The following PDE4D variants were observed in gnomAD, a reference collection of about 807,000 sequenced individuals.
The protein encoded by PDE4D is phosphodiesterase 4D.
Under a neutral mutation model 87.4 loss-of-function variants are expected in PDE4D, and 24 were observed. That is an observed-to-expected ratio of 0.27 (90% CI 0.20 to 0.39). The LOEUF (loss-of-function observed/expected upper bound fraction) is 0.39. Ranked by LOEUF, PDE4D falls within the 10% of genes least tolerant of loss-of-function variation. PDE4D has a pLI of 1.00. For missense variants in PDE4D, 714 were observed against 1,041.0 expected, an observed-to-expected ratio of 0.69 and a Z score of 4.32; for synonymous variants, 384 against 383.2, an observed-to-expected ratio of 1.00 and a Z score of -0.02.
chr5:60,425,463 G>T (rs971368410), intron 1 of PDE4D, among the ~76,000 whole-genome samples: 1 of 152,134 alleles, frequency 6.6e-6, no homozygotes, highest in African/African-American at 2.4e-5. Flanking sequence ...ATGGTGCTGG[G>T]AAAACTGGCT....
Position 59,525,830 on chromosome 5 carries a change from C to T in PDE4D, c.456-309862G>A, listed in dbSNP as rs147467391. On this transcript the variant is annotated intron_variant, in intron 1 of 14. Transcript: ENST00000340635. ...AGGGGCTTTTTCCCCCTTTCCTCTGCACTTCCCTCCCCTGCCGCCATGTGA... is the reference window on the plus strand; with the variant it reads ...AGGGGCTTTTTCCCCCTTTCCTCTGTACTTCCCTCCCCTGCCGCCATGTGA... 1.6e-3 allele frequency among the ~76,000 whole-genome samples: 239 copies of T among 152,252 alleles called. 2 individuals carry two copies. Among genetic ancestry groups the T allele is most frequent in the African/African-American group, 5.5e-3 (227 of 41,546 alleles).
At chr5:59,738,725 C>A (rs1205569827) in intron 1 of PDE4D, among the ~76,000 whole-genome samples, 1 of 151,384 alleles carries the variant, frequency 6.6e-6, no homozygotes, top group African/African-American at 2.4e-5. Context: ...AAATATATTT[C>A]TATACTCTAG....
At chr5:60,082,940 T>C (rs1774119604) in intron 2 of PDE4D, among the ~76,000 whole-genome samples, 1 of 152,214 alleles carries the variant, frequency 6.6e-6, no homozygotes, top group Non-Finnish European at 1.5e-5. Flanking sequence ...CTAAAATATT[T>C]TCTTCTCAGA....
chr5:60,074,822 CA>C (rs2152898880), intron 2 of PDE4D, among the ~76,000 whole-genome samples: 1 of 152,222 alleles, frequency 6.6e-6, no homozygotes, highest in South Asian at 2.1e-4. Context: ...ATTAGGATTG[CA>C]ACCCCTGTTT....
At chr5:59,287,832 T>C (rs565913368) in intron 1 of PDE4D, among the ~76,000 whole-genome samples, 1 of 152,184 alleles carries the variant, frequency 6.6e-6, no homozygotes, top group South Asian at 2.1e-4. Context: ...ATCCAGAGAA[T>C]GACTCTGGAT....
At chr5:60,061,946 C>G (rs1189344949) in intron 2 of PDE4D, among the ~76,000 whole-genome samples, 1 of 152,064 alleles carries the variant, frequency 6.6e-6, no homozygotes, top group Non-Finnish European at 1.5e-5. Context: ...AATGTAAAAC[C>G]CAAAACCATA....
At chr5:59,069,869 G>GGGGT (rs1764480285) in intron 5 of PDE4D, among the ~76,000 whole-genome samples, 1 of 152,048 alleles carries the variant, frequency 6.6e-6, no homozygotes, top group Admixed American at 6.5e-5. Flanking sequence ...AAAATGCAGA[G>GGGGT]GGGTGCAAAA....
intron 1 of PDE4D, among the ~76,000 whole-genome samples, chr5:59,781,833 G>A (rs1308384778): frequency 6.8e-6 from 1 of 147,490 alleles, no homozygotes; most frequent in Admixed American, 6.9e-5. Flanking sequence ...CTGATTTGTG[G>A]CGTATGCTGA....
At chr5:59,081,804 T>C (rs1766822078) in intron 5 of PDE4D, among the ~76,000 whole-genome samples, 1 of 152,180 alleles carries the variant, frequency 6.6e-6, no homozygotes, top group African/African-American at 2.4e-5. Flanking sequence ...TTAATGTAGA[T>C]TATATGGTTT....
At chr5:60,172,531 C>T (rs953466879) in intron 2 of PDE4D, among the ~76,000 whole-genome samples, 1 of 152,064 alleles carries the variant, frequency 6.6e-6, no homozygotes, top group Non-Finnish European at 1.5e-5. Flanking sequence ...CCTTTCTTCC[C>T]TGTTTTGTCT....
rs1283890442 is a variant in PDE4D, at chr5:59,857,525, A to C, written c.455+35643T>G. 3.3e-5 allele frequency among the ~76,000 whole-genome samples: 5 copies of C among 152,166 alleles called. No homozygotes were observed. In the East Asian group the frequency reaches 9.6e-4, roughly 29 times the overall value. ...ATCACAAAGGGAGGGATTATAAATA[A>C]ATTATGACTAAAACCTTCCAGGTTT... On this transcript the variant is annotated intron_variant, in intron 1 of 14. Coordinates refer to ENST00000340635, the MANE Select transcript of PDE4D (RefSeq NM_001104631.2).
intron 8 of PDE4D, 93 bp downstream of exon 8, chr5:58,991,739 T>A: frequency 1.2e-6 from 1 of 811,590 alleles, no homozygotes. Flanking sequence ...CCCCAATTAA[T>A]AAACTTTTCT....
chr5:59,287,322 C>T (rs935978185), intron 1 of PDE4D, among the ~76,000 whole-genome samples: 2 of 151,846 alleles, frequency 1.3e-5, no homozygotes, highest in Admixed American at 6.6e-5. Flanking sequence ...GGAGAGACTC[C>T]TCTGCTTGTG....
intron 1 of PDE4D, among the ~76,000 whole-genome samples, chr5:59,580,522 A>C (rs1400176637): frequency 6.6e-6 from 1 of 152,030 alleles, no homozygotes; most frequent in Non-Finnish European, 1.5e-5. Flanking sequence ...GCTGGAGTGC[A>C]GTGGCATGAT....
chr5:60,212,515 C>A (rs184772811), intron 1 of PDE4D, among the ~76,000 whole-genome samples: 52 of 152,252 alleles, frequency 3.4e-4, no homozygotes, highest in Admixed American at 1.3e-3. Flanking sequence ...AGAAAGTTCT[C>A]TTCTTTTGGG....
intron 1 of PDE4D, among the ~76,000 whole-genome samples, chr5:59,357,279 C>T (rs1490801366): frequency 1.3e-5 from 2 of 152,150 alleles, no homozygotes; most frequent in Non-Finnish European, 2.9e-5. Flanking sequence ...TGTAAACCCA[C>T]AGGGCTTCGT....
intron 6 of PDE4D, among the ~76,000 whole-genome samples, chr5:59,027,403 A>G (rs1164429899): frequency 6.6e-6 from 1 of 152,134 alleles, no homozygotes; most frequent in Non-Finnish European, 1.5e-5. Flanking sequence ...AAGGAAGTCA[A>G]TATGCACAGC....
chr5:60,517,902 G>A (rs1750871695), intron 1 of PDE4D, among the ~76,000 whole-genome samples: 1 of 152,234 alleles, frequency 6.6e-6, no homozygotes, highest in African/African-American at 2.4e-5. Context: ...TGTTGCAGGT[G>A]AGAAGAGGGA....
intron 2 of PDE4D, among the ~76,000 whole-genome samples, chr5:60,049,378 T>C (rs1279004684): frequency 6.6e-6 from 1 of 152,242 alleles, no homozygotes; most frequent in Non-Finnish European, 1.5e-5. Flanking sequence ...TCAAAGTCAT[T>C]CTCCATCCAG....
Sources: gnomAD v4.1 joint callset for allele counts (sites outside exome capture counted in the v4.1 genomes callset) on GRCh38, gnomAD v4.1.1 for gene constraint, MANE v1.5 for transcripts, NCBI Gene and HGNC (gene_info 2026-07-23, HGNC 2026-07-21) for gene names.